EPB42: variants seen among roughly 807,000 people sequenced by gnomAD.
EPB42 encodes the protein protein 4.2.
Under a neutral mutation model 76.9 loss-of-function variants are expected in EPB42, and 49 were observed. That is an observed-to-expected ratio of 0.64 (90% CI 0.51 to 0.81). The LOEUF (loss-of-function observed/expected upper bound fraction) is 0.81. Among genes scored for constraint, EPB42 ranks in the 30% least tolerant of loss-of-function variants. EPB42 has a pLI of 0.00. For missense variants in EPB42, 731 were observed against 867.6 expected (o/e 0.84, Z 1.98); for synonymous variants, 310 against 338.4 (o/e 0.92, Z 0.92).
chr15:43,202,939 A>G (rs2042147989), intron 11 of EPB42, among the ~76,000 whole-genome samples, 176 bp downstream of exon 11: 1 of 152,230 alleles, frequency 6.6e-6, no homozygotes, highest in South Asian at 2.1e-4. Context: ...TGGAAGATTT[A>G]AACCTTAATA....
chr15:43,197,329 G>C lies in EPB42; in HGVS notation c.2049C>G (p.Thr683=). The change falls in exon 13 of 13, where the codon ACC becomes ACG. Residue 683 remains threonine, a synonymous_variant. Transcript: ENST00000441366. ...FQNLTNYKSV[T]VVAPELSA is the part of the protein sequence containing the mutation. ...AAGCTGATAGTTCAGGGGCTACCAC[G>C]GTGACGCTTTTATAGTTGGTTAGGT... is the stretch of plus-strand genomic sequence containing the variant. The C allele has an allele frequency of 6.2e-7, 1 of 1,614,184 alleles. No homozygotes were observed. Among genetic ancestry groups the C allele is most frequent in the South Asian group, 1.1e-5 (1 of 91,076 alleles).
Position 43,197,296 on chromosome 15 carries a change from G to A in EPB42, c.*6C>T, listed in dbSNP as rs965605115. ...TTGGCAGGAGAGTGGTGATAGAGCTGGAAGTTTAAGCTGATAGTTCAGGGG... is the reference window on the plus strand; with the variant it reads ...TTGGCAGGAGAGTGGTGATAGAGCTAGAAGTTTAAGCTGATAGTTCAGGGG... On this transcript the variant is annotated 3_prime_UTR_variant, in exon 13 of 13. Transcript: ENST00000441366. The A allele has an allele frequency of 1.2e-6, 2 of 1,613,960 alleles. No homozygotes were observed. Among genetic ancestry groups the A allele is most frequent in the African/African-American group, 2.7e-5 (2 of 74,926 alleles).
At chr15:43,209,930 G>A (rs1178399901) in intron 5 of EPB42, among the ~76,000 whole-genome samples, 1 of 152,200 alleles carries the variant, frequency 6.6e-6, no homozygotes, top group Non-Finnish European at 1.5e-5. Context: ...GAAAAGCACC[G>A]AGTTACCATC....
At chr15:43,205,149 A>T (rs1388007218) in intron 10 of EPB42, among the ~76,000 whole-genome samples, 1 of 151,838 alleles carries the variant, frequency 6.6e-6, no homozygotes, top group Non-Finnish European at 1.5e-5. Flanking sequence ...AGAGAACAAA[A>T]CTCAAACTCC....
At chr15:43,222,469 A>T (rs1468049107), upstream of EPB42, among the ~76,000 whole-genome samples, 2 of 152,258 alleles carry the variant, frequency 1.3e-5, no homozygotes, top group Non-Finnish European at 1.5e-5. Context: ...GCAGATAAAA[A>T]GGAAGATCAC....
At chr15:43,213,544 G>A (rs930478208) in intron 3 of EPB42, among the ~76,000 whole-genome samples, 2 of 152,184 alleles carry the variant, frequency 1.3e-5, no homozygotes, top group African/African-American at 4.8e-5. Flanking sequence ...AAGAGTGTGG[G>A]CACCCTGAGC....
At chr15:43,202,359 G>C (rs497138) in intron 11 of EPB42, among the ~76,000 whole-genome samples, 132,060 of 152,124 alleles carry the variant, frequency 0.87, 57,535 homozygotes, top group Middle Eastern at 0.92. Context: ...CCCAGCACAC[G>C]CCTCACGCTA....
chr15:43,211,118 A>C (rs2042289297), intron 4 of EPB42, among the ~76,000 whole-genome samples: 1 of 152,126 alleles, frequency 6.6e-6, no homozygotes, highest in Non-Finnish European at 1.5e-5. Flanking sequence ...AAAGGAAAGC[A>C]GGGTCCTGGC....
At chr15:43,225,308 T>A (rs571356332), upstream of EPB42, among the ~76,000 whole-genome samples, 218 of 152,380 alleles carry the variant, frequency 1.4e-3, 2 homozygotes, top group Admixed American at 4.6e-3. Flanking sequence ...TGTGTTAATA[T>A]TTTTAAAGTA....
intron 6 of EPB42, among the ~76,000 whole-genome samples, 180 bp from the exon 7 acceptor site, chr15:43,208,955 T>C (rs2042249022): frequency 6.6e-6 from 1 of 152,046 alleles, no homozygotes; most frequent in African/African-American, 2.4e-5. Flanking sequence ...AAGGCACAGG[T>C]TCCACCGCAT....
rs2042242031 is a variant in EPB42 at position 43,208,557 on chromosome 15, G to GGTGGGGCTCCTGCAGAGGT, written c.971+61_971+79dup. 116 of 1,599,876 alleles carry GGTGGGGCTCCTGCAGAGGT rather than the reference G, an allele frequency of 7.3e-5. 1 individual carries two copies. In the South Asian group the frequency reaches 1.2e-3, roughly 17 times the overall value. ...CTCTCCATGCCAGGGCCATGCAGGG[G>GGTGGGGCTCCTGCAGAGGT]GTGGGGCTCCTGCAGAGGTGTGCTA... is the stretch of plus-strand genomic sequence containing the variant. On this transcript the variant is annotated intron_variant, in intron 7 of 12. Transcript: ENST00000441366.
In EPB42 at chr15:43,206,360, TC is replaced by T; in HGVS notation, c.1587del (p.Lys530SerfsTer13). On this transcript the variant is annotated frameshift_variant, in exon 10 of 13. Transcript: ENST00000441366. LOFTEE classifies it high-confidence loss of function. The surrounding 1 kb of genome is among the most constrained non-coding windows in gnomAD (Gnocchi z 4.7). ...TTGGCACTGAGCGTGAGGTGCAGCT[TC>T]TTCCTCCAGAGCTTGGCAGCAAGGA... ...NGVLAAKLWR[K>X]KLHLTLSANL... 1 of 1,612,850 alleles carries T rather than the reference TC, an allele frequency of 6.2e-7. No individual in the cohort carries two copies. Among genetic ancestry groups the T allele is most frequent in the Non-Finnish European group, 8.5e-7 (1 of 1,178,916 alleles).
intron 1 of EPB42, among the ~76,000 whole-genome samples, chr15:43,219,013 G>A (rs1439905891): frequency 6.6e-6 from 1 of 152,188 alleles, no homozygotes; most frequent in East Asian, 1.9e-4. Flanking sequence ...ATACCCCAGA[G>A]CTGCCTCAGA....
intron 2 of EPB42, 122 bp from the exon 3 acceptor site, chr15:43,215,450 C>T (rs2042363952): frequency 2.9e-6 from 3 of 1,038,426 alleles, no homozygotes; most frequent in South Asian, 1.3e-5. Flanking sequence ...ATGAAAGTGA[C>T]CCACCTAGAA....
At chr15:43,202,544 C>T (rs1171828143) in intron 11 of EPB42, among the ~76,000 whole-genome samples, 5 of 152,204 alleles carry the variant, frequency 3.3e-5, no homozygotes, top group Non-Finnish European at 7.3e-5. Context: ...TCCATAGCAA[C>T]TTTGTGCATC....
intron 11 of EPB42, among the ~76,000 whole-genome samples, chr15:43,202,254 C>T (rs189232732): frequency 4.4e-4 from 67 of 152,264 alleles, no homozygotes; most frequent in African/African-American, 1.5e-3. Flanking sequence ...TTGTATTCAA[C>T]GTTCTTCATG....
In EPB42 at chr15:43,207,225, A is replaced by T; in HGVS notation, c.1292T>A (p.Ile431Asn). The change falls in exon 9 of 13, where the codon ATC (isoleucine) becomes AAC (asparagine). Residue 431 changes from isoleucine (I) to asparagine (N), a missense_variant. Coordinates refer to ENST00000441366, the MANE Select transcript of EPB42 (RefSeq NM_001114134.2). ...TTCAGGATACTTGTAGTTCTGAGTG[A>T]TGTCCTCGCAGCGGTCACTGCCCAC... ...KGVGSDRCED[I>N]TQNYKYPEGS... 1 of 1,613,986 alleles carries T rather than the reference A, an allele frequency of 6.2e-7. No individual in the cohort carries two copies. The highest frequency in any genetic ancestry group is 8.5e-7 in the Non-Finnish European group (1 of 1,179,948).
At chr15:43,223,898 G>A (rs986376405), upstream of EPB42, among the ~76,000 whole-genome samples, 24 of 152,118 alleles carry the variant, frequency 1.6e-4, no homozygotes, top group Admixed American at 3.3e-4. Flanking sequence ...CGCTTGACCT[G>A]GTGGGTGGAG....
upstream of EPB42, among the ~76,000 whole-genome samples, chr15:43,225,294 T>A (rs971532257): frequency 6.6e-6 from 1 of 152,260 alleles, no homozygotes; most frequent in Admixed American, 6.5e-5. Flanking sequence ...TGAACTTGTA[T>A]TTATGTGTTA....
Sources: gnomAD v4.1 joint callset for allele counts (sites outside exome capture counted in the v4.1 genomes callset) on GRCh38, gnomAD v4.1.1 for gene constraint, Gnocchi (gnomAD v3.1) non-coding constraint, MANE v1.5 for transcripts, NCBI Gene and HGNC (gene_info 2026-07-23, HGNC 2026-07-21) for gene names.